Variants in PIBF1 observed in about 807,000 individuals in gnomAD.
PIBF1 encodes progesterone-induced-blocking factor 1.
Under a neutral mutation model 112.5 loss-of-function variants are expected in PIBF1, and 90 were observed. The observed-to-expected ratio is 0.80, with a 90% CI of 0.67 to 0.95. PIBF1 has a LOEUF of 0.95. Ranked by LOEUF, PIBF1 falls within the 40% of genes least tolerant of loss-of-function variation. The pLI is 0.00. For missense variants in PIBF1, 915 were observed against 852.3 expected (o/e 1.07, Z -0.92); for synonymous variants, 301 against 288.6 (o/e 1.04, Z -0.44).
rs572770597 is a variant in PIBF1, at chr13:72,885,215, C to T, written c.1323-8569C>T. ...ACTGTATATTTTTTGGAAGTTTAATCTTTTTTGTAGTTTGGACATACCTAA... is the reference window on the plus strand; with the variant it reads ...ACTGTATATTTTTTGGAAGTTTAATTTTTTTTGTAGTTTGGACATACCTAA... On this transcript the variant is annotated intron_variant, in intron 10 of 17. Coordinates refer to ENST00000326291, the MANE Select transcript of PIBF1 (RefSeq NM_006346.4). Among the ~76,000 whole-genome samples, 29 of 152,128 alleles carry T rather than the reference C, an allele frequency of 1.9e-4. No individual in the cohort carries two copies. In the South Asian group the frequency reaches 5.8e-3, roughly 30 times the overall value.
At chr13:72,821,436 C>T (rs74680723) in intron 5 of PIBF1, among the ~76,000 whole-genome samples, 3,332 of 152,214 alleles carry the variant, frequency 0.022, 137 homozygotes, top group African/African-American at 0.076. Flanking sequence ...ATTGTAGATA[C>T]TGATATCCAT....
chr13:72,858,737 A>G (rs1385107397), intron 10 of PIBF1, among the ~76,000 whole-genome samples: 1 of 152,084 alleles, frequency 6.6e-6, no homozygotes, highest in Middle Eastern at 3.2e-3. Flanking sequence ...AAATTTAAAC[A>G]AAGAGTGGTT....
chr13:73,012,097 A>T (rs2044220895), intron 17 of PIBF1, among the ~76,000 whole-genome samples: 1 of 152,180 alleles, frequency 6.6e-6, no homozygotes, highest in African/African-American at 2.4e-5. Flanking sequence ...CACACCTGTA[A>T]TCCCAATGCT....
chr13:72,826,224 T>G (rs2036808454), intron 6 of PIBF1, among the ~76,000 whole-genome samples: 1 of 152,152 alleles, frequency 6.6e-6, no homozygotes, highest in African/African-American at 2.4e-5. Flanking sequence ...TTATTGGGTT[T>G]GTAGGTGATT....
chr13:72,941,493 G>A (rs1162136728), intron 14 of PIBF1, among the ~76,000 whole-genome samples: 1 of 152,128 alleles, frequency 6.6e-6, no homozygotes, highest in Non-Finnish European at 1.5e-5. Flanking sequence ...AACAACTGAT[G>A]ACAAAATAGA....
At chr13:72,792,624 G>A (rs2034991628) in intron 3 of PIBF1, 77 bp downstream of exon 3, 1 of 695,912 alleles carries the variant, frequency 1.4e-6, no homozygotes, top group East Asian at 3.0e-5. Context: ...GTTCATGTTT[G>A]TGACTGTAAG....
At chr13:73,006,115 C>T (rs2044026979) in intron 17 of PIBF1, among the ~76,000 whole-genome samples, 1 of 151,820 alleles carries the variant, frequency 6.6e-6, no homozygotes, top group African/African-American at 2.4e-5. Context: ...GACGGGGTTT[C>T]ACCATATTGG....
chr13:72,899,904 A>G (rs180855747), intron 11 of PIBF1, among the ~76,000 whole-genome samples: 1 of 152,306 alleles, frequency 6.6e-6, no homozygotes, highest in Admixed American at 6.5e-5. Context: ...CAATTCAGCA[A>G]AGTTTCCGGA....
chr13:72,986,639 C>A (rs75864382), intron 16 of PIBF1, among the ~76,000 whole-genome samples: 15,366 of 146,454 alleles, frequency 0.1, 1,070 homozygotes, highest in Non-Finnish European at 0.16. Context: ...AGCCTTCAGT[C>A]ATAGATAGGG....
At chr13:72,991,302 T>C (rs1209607936) in intron 16 of PIBF1, among the ~76,000 whole-genome samples, 1 of 152,202 alleles carries the variant, frequency 6.6e-6, no homozygotes, top group Admixed American at 6.5e-5. Context: ...CATCATCATC[T>C]GGAAATTTCA....
Position 72,929,271 on chromosome 13 carries a change from A to G in PIBF1, c.1731-1894A>G, listed in dbSNP as rs112234062. Among the ~76,000 whole-genome samples the G allele has an allele frequency of 6.9e-3, 1,050 of 152,370 alleles. 22 individuals carry two copies. Among genetic ancestry groups the G allele is most frequent in the African/African-American group, 0.024 (987 of 41,586 alleles). ...TGCTTGCAAACGTATAATGGAATCA[A>G]CGGATTTTAAATGCAAAATTCACAT... On this transcript the variant is annotated intron_variant, in intron 13 of 17. Transcript: ENST00000326291.
intron 9 of PIBF1, among the ~76,000 whole-genome samples, chr13:72,844,558 A>G (rs571347684): frequency 9.9e-5 from 15 of 151,138 alleles, no homozygotes; most frequent in South Asian, 6.3e-4. Context: ...TCATTGTTCA[A>G]CTCCCACTTA....
At chr13:72,884,890 A>G (rs1380873440) in intron 10 of PIBF1, among the ~76,000 whole-genome samples, 1 of 152,134 alleles carries the variant, frequency 6.6e-6, no homozygotes, top group Non-Finnish European at 1.5e-5. Flanking sequence ...AGAGGTGGGG[A>G]AATAGTGATT....
At chr13:72,827,585 A>T in intron 7 of PIBF1, 148 bp from the exon 8 acceptor site, 1 of 461,766 alleles carries the variant, frequency 2.2e-6, no homozygotes, top group Non-Finnish European at 3.7e-6. Context: ...TTTAGATTTT[A>T]AAAAAGTTGC....
chr13:72,951,870 T>C (rs1414416244), intron 14 of PIBF1, among the ~76,000 whole-genome samples: 4 of 151,952 alleles, frequency 2.6e-5, no homozygotes, highest in Non-Finnish European at 5.9e-5. Context: ...CCTGGCTAAT[T>C]TTAGTATTTT....
intron 12 of PIBF1, 72 bp downstream of exon 12, chr13:72,908,753 TAAA>T: frequency 7.2e-7 from 1 of 1,396,228 alleles, no homozygotes; most frequent in South Asian, 1.3e-5. Flanking sequence ...ACCTTATTTC[TAAA>T]ACTACTTTGG....
intron 10 of PIBF1, among the ~76,000 whole-genome samples, chr13:72,858,947 T>C (rs2038569473): frequency 6.6e-6 from 1 of 152,168 alleles, no homozygotes; most frequent in South Asian, 2.1e-4. Context: ...ATAACATATT[T>C]TGATAAATTA....
rs141700421 is a variant in PIBF1, at chr13:72,832,569, T to C, written c.1098-2674T>C. Among the ~76,000 whole-genome samples, 1,063 of 152,310 alleles carry C rather than the reference T, an allele frequency of 7.0e-3. 15 individuals are homozygous for C. Among genetic ancestry groups the C allele is most frequent in the African/African-American group, 0.025 (1,026 of 41,568 alleles). ...TGAAATTCTGGGTTGAAAATTCTTT[T>C]CTTTAAGAATGTTGAATATTGGCCC... On this transcript the variant is annotated intron_variant, in intron 8 of 17. Coordinates refer to ENST00000326291, the MANE Select transcript of PIBF1 (RefSeq NM_006346.4).
intron 10 of PIBF1, among the ~76,000 whole-genome samples, chr13:72,893,212 G>A (rs1199588032): frequency 6.6e-6 from 1 of 152,058 alleles, no homozygotes; most frequent in South Asian, 2.1e-4. Flanking sequence ...TTATACCTAT[G>A]GAATGAAGAG....
Sources: allele counts gnomAD v4.1 joint callset (sites outside exome capture counted in the v4.1 genomes callset), GRCh38; gene constraint gnomAD v4.1.1; transcripts MANE v1.5; gene names NCBI Gene and HGNC (gene_info 2026-07-23, HGNC 2026-07-21).